The following EYS variants were observed in gnomAD, a reference collection of about 807,000 sequenced individuals.
EYS encodes the protein EGF-like photoreceptor maintenance factor.
Under a neutral mutation model 282.1 loss-of-function variants are expected in EYS, and 250 were observed. The observed-to-expected ratio is 0.89, with a 90% CI of 0.80 to 0.98. The LOEUF (loss-of-function observed/expected upper bound fraction) is 0.98, where lower values mean the gene tolerates loss of function less well. EYS is among the 50% of genes least tolerant of loss of function. EYS has a pLI of 0.00. For synonymous variants in EYS, 1,355 were observed against 1,282.9 expected, an observed-to-expected ratio of 1.06 and a Z score of -1.20; for missense variants, 4,016 against 3,709.0, an observed-to-expected ratio of 1.08 and a Z score of -2.15.
At chr6:64,837,680 A>T (rs1765428998) in intron 19 of EYS, among the ~76,000 whole-genome samples, 2 of 79,406 alleles carry the variant, frequency 2.5e-5, no homozygotes, top group Non-Finnish European at 5.8e-5. Flanking sequence ...ATATATATAT[A>T]TAGGATATAT....
At chr6:65,066,316 C>T (rs144197987) in intron 12 of EYS, among the ~76,000 whole-genome samples, 1 of 152,070 alleles carries the variant, frequency 6.6e-6, no homozygotes. Flanking sequence ...TTGATTGTAC[C>T]TTTAGCAATT....
intron 29 of EYS, among the ~76,000 whole-genome samples, chr6:64,327,231 G>A (rs889833877): frequency 1.3e-5 from 2 of 152,088 alleles, no homozygotes; most frequent in South Asian, 2.1e-4. Flanking sequence ...AGCTGTGACA[G>A]GAATTAAGGC....
intron 34 of EYS, among the ~76,000 whole-genome samples, chr6:63,989,141 G>A (rs1023160383): frequency 2.6e-5 from 4 of 151,440 alleles, no homozygotes; most frequent in Non-Finnish European, 4.4e-5. Flanking sequence ...TATACTTTTC[G>A]GTTAAGATGA....
At chr6:64,703,382 G>GACACACAGAC (rs1180483664) in intron 22 of EYS, among the ~76,000 whole-genome samples, 1 of 35,892 alleles carries the variant, frequency 2.8e-5, no homozygotes, top group Non-Finnish European at 6.2e-5. Context: ...CACACACACA[G>GACACACAGAC]ACACACACAC....
chr6:64,207,527 C>T (rs1018515771), intron 31 of EYS, among the ~76,000 whole-genome samples: 1 of 152,082 alleles, frequency 6.6e-6, no homozygotes, highest in Admixed American at 6.6e-5. Flanking sequence ...TAATGCATTA[C>T]CTCAGTCTTA....
At chr6:64,240,180 G>C (rs1040191846) in intron 30 of EYS, among the ~76,000 whole-genome samples, 4 of 152,168 alleles carry the variant, frequency 2.6e-5, no homozygotes, top group Non-Finnish European at 5.9e-5. Context: ...TTTGAAGTCA[G>C]GTAGTGTGAT....
intron 2 of EYS, among the ~76,000 whole-genome samples, chr6:65,624,606 C>T (rs1298662102): frequency 6.6e-6 from 1 of 152,104 alleles, no homozygotes; most frequent in African/African-American, 2.4e-5. Flanking sequence ...CAGACCCACC[C>T]TCAATCTGGG....
At chr6:64,194,085 G>A (rs1388319057) in intron 31 of EYS, among the ~76,000 whole-genome samples, 1 of 152,008 alleles carries the variant, frequency 6.6e-6, no homozygotes, top group Admixed American at 6.6e-5. Context: ...CGTAAGCCAG[G>A]ATAGTCTCGA....
intron 12 of EYS, among the ~76,000 whole-genome samples, chr6:65,201,743 G>T (rs978005893): frequency 6.6e-6 from 1 of 151,940 alleles, no homozygotes; most frequent in East Asian, 1.9e-4. Context: ...CACCTATATG[G>T]TCCAGAACAG....
chr6:65,265,635 G>A (rs1480930711), intron 12 of EYS, among the ~76,000 whole-genome samples: 1 of 151,956 alleles, frequency 6.6e-6, no homozygotes, highest in Non-Finnish European at 1.5e-5. Flanking sequence ...ATGTTTGAAA[G>A]TTAGGTGGAA....
chr6:65,490,634 A>C lies in EYS; in HGVS notation c.822T>G (p.Thr274=). ...VCFHGNCSNI[T]SNSFICECDE... ...CACATTCACAAATGAAACTATTTGA[A>C]GTAATATTGCTGCAGTTTCCATGGA... is the stretch of plus-strand genomic sequence containing the variant. Residue 274 remains threonine (T), a synonymous_variant, in exon 5 of 43, where the codon ACT becomes ACG. Transcript: ENST00000503581. The C allele has an allele frequency of 6.2e-7, 1 of 1,612,386 alleles. No individual in the cohort carries two copies. The highest frequency in any genetic ancestry group is 8.5e-7 in the Non-Finnish European group (1 of 1,178,760).
At chr6:64,346,640 C>T (rs945035125) in intron 29 of EYS, among the ~76,000 whole-genome samples, 2 of 151,722 alleles carry the variant, frequency 1.3e-5, no homozygotes, top group Non-Finnish European at 2.9e-5. Flanking sequence ...CAACATGGCA[C>T]ATGTATACAT....
chr6:65,056,694 C>A (rs145570526), intron 13 of EYS, among the ~76,000 whole-genome samples: 122 of 152,038 alleles, frequency 8.0e-4, no homozygotes, highest in Non-Finnish European at 1.3e-3. Flanking sequence ...GATATCCCAC[C>A]TGCCCAAGCA....
chr6:64,825,934 C>T (rs1474383788), intron 19 of EYS, among the ~76,000 whole-genome samples: 1 of 151,532 alleles, frequency 6.6e-6, no homozygotes, highest in Non-Finnish European at 1.5e-5. Context: ...AATACATATG[C>T]TCCCTGATTA....
intron 2 of EYS, among the ~76,000 whole-genome samples, chr6:65,586,247 A>C (rs1253729208): frequency 6.6e-6 from 1 of 152,078 alleles, no homozygotes; most frequent in Non-Finnish European, 1.5e-5. Flanking sequence ...AGAAGGATTT[A>C]TAGAACAACA....
At chr6:65,330,088 A>T in intron 11 of EYS, 1 of 982,576 alleles carries the variant, frequency 1.0e-6, no homozygotes. Context: ...AAGTGAAAAA[A>T]ATAATTACTT....
chr6:64,910,536 C>T (rs1583285490), intron 16 of EYS, among the ~76,000 whole-genome samples: 1 of 152,130 alleles, frequency 6.6e-6, no homozygotes, highest in Non-Finnish European at 1.5e-5. Flanking sequence ...TGTACTGAAT[C>T]ACAATCACAA....
chr6:63,887,296 G>A (rs1179947905), intron 35 of EYS, among the ~76,000 whole-genome samples: 1 of 144,044 alleles, frequency 6.9e-6, no homozygotes, highest in Admixed American at 6.9e-5. Context: ...ACTAAAAGAG[G>A]AAAGAGGAAT....
chr6:64,557,121 G>T (rs1765257696), intron 26 of EYS, among the ~76,000 whole-genome samples: 1 of 151,442 alleles, frequency 6.6e-6, no homozygotes, highest in African/African-American at 2.4e-5. Flanking sequence ...AACTCCTAAA[G>T]AATTCAGTTT....
Sources: gnomAD v4.1 joint callset for allele counts (sites outside exome capture counted in the v4.1 genomes callset) on GRCh38, gnomAD v4.1.1 for gene constraint, MANE v1.5 for transcripts, NCBI Gene and HGNC (gene_info 2026-07-23, HGNC 2026-07-21) for gene names.